Variants in RBL1 observed in about 807,000 individuals in gnomAD.
RBL1 encodes RB transcriptional corepressor like 1.
A neutral mutation model predicts 123.0 loss-of-function variants in RBL1; 82 were observed. The observed-to-expected ratio is 0.67, with a 90% CI of 0.56 to 0.80. The LOEUF (loss-of-function observed/expected upper bound fraction) is 0.80. RBL1 is among the 30% of genes least tolerant of loss of function. The probability of loss-of-function intolerance (pLI) is 0.00; values close to 1 mark genes in which losing one functional copy is unlikely to be tolerated. For missense variants in RBL1, 1,171 were observed against 1,299.6 expected, an observed-to-expected ratio of 0.90 and a Z score of 1.52; for synonymous variants, 405 against 441.3, an observed-to-expected ratio of 0.92 and a Z score of 1.03.
intron 14 of RBL1, among the ~76,000 whole-genome samples, chr20:37,036,773 C>A (rs911757471): frequency 6.6e-6 from 1 of 151,634 alleles, no homozygotes; most frequent in East Asian, 1.9e-4. Flanking sequence ...CTACAGGCAA[C>A]CGCCACCATG....
At chr20:37,002,011 C>T (rs1454286887) in intron 21 of RBL1, among the ~76,000 whole-genome samples, 1 of 151,008 alleles carries the variant, frequency 6.6e-6, no homozygotes, top group Non-Finnish European at 1.5e-5. Flanking sequence ...TGTGTAGTAC[C>T]CAGACCAGAA....
At position 37,030,171 on chromosome 20, in the gene RBL1, T is replaced by C. The variant is rs543856672; in HGVS notation, c.2382+2494A>G. 2.0e-4 allele frequency among the ~76,000 whole-genome samples: 31 copies of C among 152,300 alleles called. 1 individual carries two copies. The South Asian group carries it at 6.4e-3, about 32-fold the overall frequency. On this transcript the variant is annotated intron_variant, in intron 16 of 21. Coordinates refer to ENST00000373664, the MANE Select transcript of RBL1 (RefSeq NM_002895.5). ...AAAACAAAGTTGGAGGTCTCACACC[T>C]CCTGATTTTAAAACTTATGACACAA...
chr20:37,032,872 G>A lies in RBL1; in HGVS notation c.2175C>T (p.Val725=), dbSNP rs745653003. The part of the protein sequence containing the change: ...GHKVTIPLHG[V]ANDAGEITLI... ...GTGTGATCTCTCCAGCATCATTTGC[G>A]ACACCTGAATGTATAAGCATTATTA... Residue 725 remains valine, a synonymous_variant, in exon 16 of 22, where the codon GTC becomes GTT. Transcript: ENST00000373664. 5.0e-6 allele frequency: 8 copies of A among 1,613,794 alleles called. No individual in the cohort carries two copies. Among genetic ancestry groups the A allele is most frequent in the Middle Eastern group, 1.7e-4 (1 of 6,058 alleles).
chr20:37,035,163 C>A (rs2064584957), intron 15 of RBL1, 79 bp downstream of exon 15: 27 of 1,309,228 alleles, frequency 2.1e-5, no homozygotes, highest in East Asian at 1.0e-4. Context: ...GTTAGAAAAA[C>A]CATGTGATCT....
At chr20:37,088,265 C>CA (rs1201898782) in intron 2 of RBL1, among the ~76,000 whole-genome samples, 858 of 53,410 alleles carry the variant, frequency 0.016, 9 homozygotes, top group Middle Eastern at 0.033. Context: ...AACTCCATCT[C>CA]AAAAAAAAAA....
At chr20:37,001,084 G>GC (rs1354913793) in intron 21 of RBL1, among the ~76,000 whole-genome samples, 147 of 147,238 alleles carry the variant, frequency 1.0e-3, no homozygotes, top group African/African-American at 3.3e-3. Context: ...GGGGAGGTCA[G>GC]CCCCCCGCCT....
chr20:37,095,911 G>T lies in RBL1; in HGVS notation c.18C>A (p.Pro6=), dbSNP rs1484968436. Residue 6 remains proline, a synonymous_variant, in exon 1 of 22, where the codon CCC becomes CCA. Coordinates refer to ENST00000373664, the MANE Select transcript of RBL1 (RefSeq NM_002895.5). MFEDK[P]HAEGAAVVAA... ...CGACCACCGCCGCCCCCTCAGCGTG[G>T]GGCTTGTCCTCGAACATCCCTTCAG... 1 of 1,598,854 alleles carries T rather than the reference G, an allele frequency of 6.3e-7. No homozygotes were observed.
At chr20:37,002,869 C>T (rs1052698268) in intron 21 of RBL1, among the ~76,000 whole-genome samples, 8 of 151,732 alleles carry the variant, frequency 5.3e-5, no homozygotes, top group African/African-American at 1.2e-4. Context: ...ATTATAGGTG[C>T]GCACCACCAT....
chr20:37,056,351 C>CTTTTTTTTTTT (rs199931898), intron 9 of RBL1, 93 bp from the exon 10 acceptor site: 2 of 972,114 alleles, frequency 2.1e-6, no homozygotes, highest in Non-Finnish European at 2.5e-6. Flanking sequence ...CCTTCTTCTT[C>CTTTTTTTTTTT]TTTTTTTTTT....
chr20:37,040,559 G>A (rs1230524889), intron 13 of RBL1, among the ~76,000 whole-genome samples: 2 of 151,982 alleles, frequency 1.3e-5, no homozygotes, highest in Admixed American at 1.3e-4. Context: ...CACCATGTTG[G>A]CCAGGCTGAT....
chr20:37,055,430 G>A (rs2064987016), intron 11 of RBL1, 123 bp downstream of exon 11: 1 of 1,452,914 alleles, frequency 6.9e-7, no homozygotes, highest in South Asian at 1.2e-5. Flanking sequence ...TCAACTAAAT[G>A]CCATCCTGGC....
intron 2 of RBL1, among the ~76,000 whole-genome samples, chr20:37,068,726 T>C (rs1273465750): frequency 6.6e-6 from 1 of 152,140 alleles, no homozygotes; most frequent in Non-Finnish European, 1.5e-5. Flanking sequence ...AGTTAACAGA[T>C]TGACAGGTTA....
At chr20:37,041,914 T>C (rs2064734255) in intron 13 of RBL1, among the ~76,000 whole-genome samples, 1 of 151,418 alleles carries the variant, frequency 6.6e-6, no homozygotes, top group South Asian at 2.1e-4. Context: ...CTACCACAAA[T>C]ATAAAGAAAT....
Position 37,055,571 on chromosome 20 carries a change from A to T in RBL1, c.1449T>A (p.Leu483=). ...ETVMVQETRR[L]HGMDMSVLLE... ...TACTTACTGACATGTCCATTCCATGAAGTCTTCGTGTTTCCTGAACCATTA... is the reference window on the plus strand; with the variant it reads ...TACTTACTGACATGTCCATTCCATGTAGTCTTCGTGTTTCCTGAACCATTA... The change falls in exon 11 of 22, where the codon CTT becomes CTA. Residue 483 remains leucine, a synonymous_variant. Transcript: ENST00000373664. 3 of 1,614,126 alleles carry T rather than the reference A, an allele frequency of 1.9e-6. No homozygotes were observed. Among genetic ancestry groups the T allele is most frequent in the Non-Finnish European group, 2.5e-6 (3 of 1,180,008 alleles).
intron 16 of RBL1, among the ~76,000 whole-genome samples, chr20:37,028,379 ATAATGGCTTGG>A (rs1424279700): frequency 6.6e-6 from 1 of 151,918 alleles, no homozygotes; most frequent in Non-Finnish European, 1.5e-5. Context: ...AAATAAATAA[ATAATGGCTTGG>A]GTGGTGACTC....
At chr20:37,004,017 C>CT in intron 20 of RBL1, 151 bp from the exon 21 acceptor site, 2 of 480,320 alleles carry the variant, frequency 4.2e-6, no homozygotes, top group South Asian at 6.8e-5. Flanking sequence ...TCCTTTACTT[C>CT]TTCTTTTTTT....
intron 2 of RBL1, among the ~76,000 whole-genome samples, chr20:37,077,525 A>G (rs1165961341): frequency 1.3e-5 from 2 of 152,120 alleles, no homozygotes; most frequent in Admixed American, 1.3e-4. Flanking sequence ...TCAAGACTCA[A>G]ACTGCAGCTC....
At chr20:37,035,038 GGGACT>G (rs1428928137) in intron 15 of RBL1, among the ~76,000 whole-genome samples, 199 bp downstream of exon 15, 1 of 151,954 alleles carries the variant, frequency 6.6e-6, no homozygotes. Context: ...TTGGGGAAGG[GGGACT>G]ATGAGAAATG....
At chr20:37,024,867 G>C (rs189187192) in intron 16 of RBL1, among the ~76,000 whole-genome samples, 1 of 152,282 alleles carries the variant, frequency 6.6e-6, no homozygotes, top group South Asian at 2.1e-4. Context: ...AGGCATAGGA[G>C]GGGGTGAAGG....
Sources: allele counts gnomAD v4.1 joint callset (sites outside exome capture counted in the v4.1 genomes callset), GRCh38; gene constraint gnomAD v4.1.1; transcripts MANE v1.5; gene names NCBI Gene and HGNC (gene_info 2026-07-23, HGNC 2026-07-21).